ESYT2: variants seen among roughly 807,000 people sequenced by gnomAD.
The protein encoded by ESYT2 is extended synaptotagmin-2.
ESYT2 carries 54 observed loss-of-function variants against 107.2 expected under a neutral mutation model. That is an observed-to-expected ratio of 0.50 (90% CI 0.40 to 0.63). ESYT2 has a LOEUF of 0.63. Ranked by LOEUF, ESYT2 falls within the 30% of genes least tolerant of loss-of-function variation. The probability of loss-of-function intolerance (pLI) is 0.00; values close to 1 mark genes in which losing one functional copy is unlikely to be tolerated. For missense variants in ESYT2, 1,020 were observed against 1,094.5 expected (o/e 0.93, Z 0.96); for synonymous variants, 491 against 434.1 (o/e 1.13, Z -1.63).
chr7:158,792,924 AC>A (rs1362521791), intron 4 of ESYT2, among the ~76,000 whole-genome samples: 1 of 151,450 alleles, frequency 6.6e-6, no homozygotes, highest in African/African-American at 2.4e-5. Flanking sequence ...GCCCACCACC[AC>A]GCCTGGCTAA....
At position 158,748,835 on chromosome 7, in the gene ESYT2, G is replaced by A. The variant is rs113183677; in HGVS notation, c.1558-555C>T. ...TCCGGGTTCAAGCAATTCCCCTGCT[G>A]CAGCCTCCCAAGTAGCTGGGATTAC... On this transcript the variant is annotated intron_variant, in intron 15 of 22. Coordinates refer to ENST00000275418, the MANE Select transcript of ESYT2 (RefSeq NM_001367773.1). Among the ~76,000 whole-genome samples the A allele has an allele frequency of 5.1e-3, 773 of 150,770 alleles. 4 individuals carry two copies. Among genetic ancestry groups the A allele is most frequent in the African/African-American group, 0.018 (742 of 41,074 alleles).
At position 158,731,901 on chromosome 7, in the gene ESYT2, G is replaced by A. The variant is rs1377919004; in HGVS notation, c.*2306C>T. On this transcript the variant is annotated 3_prime_UTR_variant, in exon 23 of 23. Transcript: ENST00000275418. The stretch of plus-strand genomic sequence containing the variant: ...GGTGGCTTCACTCCTCCACATCTGG[G>A]AGGCACTTCAGTGCCTCAGAATCAC... 1.3e-5 allele frequency: 2 copies of A among 150,398 alleles called. No individual in the cohort carries two copies. Among genetic ancestry groups the A allele is most frequent in the Non-Finnish European group, 2.9e-5 (2 of 68,026 alleles). The allele number at this position is 150,398 out of a possible 1,614,324, so 9.3% of individuals were successfully genotyped here.
chr7:158,767,731 GAT>G lies in ESYT2; in HGVS notation c.845_846del (p.Tyr282SerfsTer14), dbSNP rs1174911122. 4 of 1,613,078 alleles carry G rather than the reference GAT, an allele frequency of 2.5e-6. No individual in the cohort carries two copies. Among genetic ancestry groups the G allele is most frequent in the African/African-American group, 1.3e-5 (1 of 74,904 alleles). Reference sequence around the variant, plus strand: ...ACGGTGATTCGATTGGGAAGCACCAGATAGTTTGATATTATATCCAAAATGAT... The same window carrying G: ...ACGGTGATTCGATTGGGAAGCACCAGAGTTTGATATTATATCCAAAATGAT... ...DTIILDIISNYLVLPNRITVP... is the reference protein window; with the variant it reads ...DTIILDIISNXLVLPNRITVP... On this transcript the variant is annotated frameshift_variant, in exon 8 of 23. Coordinates refer to ENST00000275418, the MANE Select transcript of ESYT2 (RefSeq NM_001367773.1). LOFTEE classifies it high-confidence loss of function.
chr7:158,802,638 G>A (rs912459480), intron 1 of ESYT2, among the ~76,000 whole-genome samples: 1 of 152,206 alleles, frequency 6.6e-6, no homozygotes. Context: ...AGGGAATGTA[G>A]AGGAGTTATT....
intron 1 of ESYT2, 114 bp from the exon 2 acceptor site, chr7:158,799,186 T>C: frequency 1.1e-6 from 1 of 909,126 alleles, no homozygotes; most frequent in East Asian, 2.5e-5. Flanking sequence ...GATGCTTCTT[T>C]AAAACACTCT....
At chr7:158,782,008 T>TGA in intron 6 of ESYT2, among the ~76,000 whole-genome samples, 1 of 150,006 alleles carries the variant, frequency 6.7e-6, no homozygotes, top group Non-Finnish European at 1.5e-5. Flanking sequence ...AGAACAAGTG[T>TGA]GTGAACAAAG....
At chr7:158,765,511 A>G (rs1838127285) in intron 8 of ESYT2, among the ~76,000 whole-genome samples, 1 of 152,078 alleles carries the variant, frequency 6.6e-6, no homozygotes, top group Non-Finnish European at 1.5e-5. Flanking sequence ...AGGTGGGTAG[A>G]TCAATTGAGG....
intron 1 of ESYT2, among the ~76,000 whole-genome samples, chr7:158,816,309 A>G (rs1223096413): frequency 1.3e-5 from 2 of 152,248 alleles, no homozygotes; most frequent in Admixed American, 6.5e-5. Flanking sequence ...ATGATCACAC[A>G]ACCACACTCC....
chr7:158,765,605 G>A (rs748744070), intron 8 of ESYT2, among the ~76,000 whole-genome samples: 2 of 151,962 alleles, frequency 1.3e-5, no homozygotes, highest in Non-Finnish European at 2.9e-5. Flanking sequence ...GCATGGTGGC[G>A]CATGTCCGTA....
chr7:158,758,582 G>A (rs912444886), intron 13 of ESYT2, among the ~76,000 whole-genome samples: 3 of 152,200 alleles, frequency 2.0e-5, no homozygotes, highest in African/African-American at 7.2e-5. Context: ...CTGTGGAGGA[G>A]GAATTATGCA....
chr7:158,761,642 C>T (rs1480111685), intron 10 of ESYT2, 98 bp from the exon 11 acceptor site: 3 of 1,110,130 alleles, frequency 2.7e-6, no homozygotes, highest in Non-Finnish European at 2.7e-6. Flanking sequence ...CTGAAACAAC[C>T]TTAAGCATTT....
rs533577436 is a variant in ESYT2 at position 158,740,790 on chromosome 7, CG to C, written c.2168+732del. On this transcript the variant is annotated intron_variant, in intron 18 of 22. Coordinates refer to ENST00000275418, the MANE Select transcript of ESYT2 (RefSeq NM_001367773.1). ...AAAGTGAGTGTGGCTCAGAGGAGGG[CG>C]GCTGTGCAAGCTCCACAGTCTGCGT... Among the ~76,000 whole-genome samples the C allele has an allele frequency of 2.0e-3, 302 of 152,250 alleles. 1 individual carries two copies. The highest frequency in any genetic ancestry group is 3.2e-3 in the Non-Finnish European group (220 of 68,020).
chr7:158,814,442 A>G (rs973848845), intron 1 of ESYT2, among the ~76,000 whole-genome samples: 1 of 151,548 alleles, frequency 6.6e-6, no homozygotes, highest in Non-Finnish European at 1.5e-5. Flanking sequence ...CAGATCAAAA[A>G]CGTTTTAAAA....
At chr7:158,758,430 A>G (rs1363716844) in intron 13 of ESYT2, among the ~76,000 whole-genome samples, 2 of 152,202 alleles carry the variant, frequency 1.3e-5, no homozygotes, top group Non-Finnish European at 1.5e-5. Context: ...GAGGCCGATA[A>G]CTGAGGTCCA....
intron 4 of ESYT2, 140 bp from the exon 5 acceptor site, chr7:158,788,557 G>T: frequency 2.9e-6 from 2 of 698,970 alleles, no homozygotes; most frequent in South Asian, 4.3e-5. Flanking sequence ...CTAAAATGTG[G>T]CCCATCAAAT....
At chr7:158,825,217 C>T (rs773369695) in intron 1 of ESYT2, among the ~76,000 whole-genome samples, 2 of 152,190 alleles carry the variant, frequency 1.3e-5, no homozygotes, top group Admixed American at 6.5e-5. Flanking sequence ...CGCTTAAACC[C>T]GGGAGGCAGA....
intron 1 of ESYT2, among the ~76,000 whole-genome samples, chr7:158,821,998 C>T (rs1255773171): frequency 6.6e-6 from 1 of 152,080 alleles, no homozygotes; most frequent in African/African-American, 2.4e-5. Flanking sequence ...CCACAGCCCG[C>T]CTCCCAGGTG....
At chr7:158,797,726 C>T (rs538038247) in intron 3 of ESYT2, among the ~76,000 whole-genome samples, 1 of 151,508 alleles carries the variant, frequency 6.6e-6, no homozygotes, top group Non-Finnish European at 1.5e-5. Flanking sequence ...TGGTGGAGGG[C>T]GCCTGTAGTC....
intron 4 of ESYT2, among the ~76,000 whole-genome samples, chr7:158,791,168 C>T (rs895379956): frequency 6.6e-6 from 1 of 152,288 alleles, no homozygotes; most frequent in African/African-American, 2.4e-5. Context: ...TTGACTCCCC[C>T]AGAAACCTCA....
Sources: allele counts gnomAD v4.1 joint callset (sites outside exome capture counted in the v4.1 genomes callset), GRCh38; gene constraint gnomAD v4.1.1; transcripts MANE v1.5; gene names NCBI Gene and HGNC (gene_info 2026-07-23, HGNC 2026-07-21).